Variants in UBE2E2 observed in about 807,000 individuals in gnomAD.
The protein encoded by UBE2E2 is ubiquitin-conjugating enzyme E2 E2.
A neutral mutation model predicts 24.7 loss-of-function variants in UBE2E2; 6 were observed. The ratio of observed to expected loss-of-function variants is 0.24; its 90% confidence interval spans 0.13 to 0.48. The LOEUF is 0.48. Ranked by LOEUF, UBE2E2 falls within the 20% of genes least tolerant of loss-of-function variation. UBE2E2 has a pLI of 0.99. For synonymous variants in UBE2E2, 104 were observed against 83.6 expected (o/e 1.24, Z -1.33); for missense variants, 169 against 245.0 (o/e 0.69, Z 2.07).
intron 3 of UBE2E2, among the ~76,000 whole-genome samples, chr3:23,488,638 G>C (rs139698213): frequency 3.9e-5 from 6 of 152,272 alleles, no homozygotes; most frequent in Non-Finnish European, 8.8e-5. Flanking sequence ...TAACATTTTT[G>C]AGAATTGAAA....
At chr3:23,354,039 A>G (rs975575187) in intron 3 of UBE2E2, among the ~76,000 whole-genome samples, 4 of 152,210 alleles carry the variant, frequency 2.6e-5, no homozygotes, top group African/African-American at 9.7e-5. Context: ...CAAAACAGAG[A>G]TATAGATCAG....
At chr3:23,494,935 C>G (rs1699572089) in intron 3 of UBE2E2, among the ~76,000 whole-genome samples, 1 of 151,908 alleles carries the variant, frequency 6.6e-6, no homozygotes, top group Admixed American at 6.6e-5. Flanking sequence ...CCACACCTGG[C>G]AAATTTTTGT....
chr3:23,444,909 G>A lies in UBE2E2; in HGVS notation c.228-54699G>A, dbSNP rs1698392543. On this transcript the variant is annotated intron_variant, in intron 3 of 5. Coordinates refer to ENST00000396703, the MANE Select transcript of UBE2E2 (RefSeq NM_152653.4). ...GCCCTGGAATGGTGGTGGTAGCAGA[G>A]GTATTGGGAGCTGGAACTAAATCCA... 2.0e-5 allele frequency among the ~76,000 whole-genome samples: 3 copies of A among 152,228 alleles called. No individual in the cohort carries two copies. The South Asian group carries it at 6.2e-4, about 32-fold the overall frequency.
intron 3 of UBE2E2, among the ~76,000 whole-genome samples, chr3:23,438,171 G>A (rs920932361): frequency 2.6e-5 from 4 of 152,176 alleles, no homozygotes; most frequent in African/African-American, 9.7e-5. Context: ...ACTTCAGTGA[G>A]TAAAGCAAGA....
chr3:23,513,562 G>C (rs1327969298), intron 4 of UBE2E2, among the ~76,000 whole-genome samples: 5 of 151,892 alleles, frequency 3.3e-5, no homozygotes, highest in Admixed American at 3.3e-4. Context: ...TATATCCGTG[G>C]GATAAATTCC....
At chr3:23,372,033 G>A (rs911029999) in intron 3 of UBE2E2, among the ~76,000 whole-genome samples, 75 of 151,972 alleles carry the variant, frequency 4.9e-4, no homozygotes, top group African/African-American at 1.6e-3. Context: ...CAGGAGAATC[G>A]CTTGAACCCT....
At chr3:23,293,910 G>GT (rs1251425184) in intron 3 of UBE2E2, among the ~76,000 whole-genome samples, 7 of 152,188 alleles carry the variant, frequency 4.6e-5, no homozygotes, top group Non-Finnish European at 7.3e-5. Context: ...AAGCCCAGGA[G>GT]TTTAAGTCCA....
intron 3 of UBE2E2, among the ~76,000 whole-genome samples, chr3:23,488,030 C>T (rs1005384842): frequency 8.6e-5 from 13 of 151,316 alleles, no homozygotes; most frequent in African/African-American, 3.2e-4. Flanking sequence ...CACAACCAAC[C>T]TTTTTAGGAA....
intron 3 of UBE2E2, among the ~76,000 whole-genome samples, chr3:23,383,820 T>C (rs1216506538): frequency 2.0e-5 from 3 of 151,974 alleles, no homozygotes. Flanking sequence ...TTTGTTATTG[T>C]ACCAATATGA....
At chr3:23,282,264 T>C (rs1482244326) in intron 3 of UBE2E2, among the ~76,000 whole-genome samples, 1 of 152,234 alleles carries the variant, frequency 6.6e-6, no homozygotes, top group Admixed American at 6.5e-5. Flanking sequence ...TTCATCCAGG[T>C]CCTTCTGTAT....
chr3:23,389,636 A>C (rs1307252205), intron 3 of UBE2E2: 1 of 266,006 alleles, frequency 3.8e-6, no homozygotes, highest in Non-Finnish European at 7.8e-6. Context: ...CTTTTGTCTT[A>C]TTTTGCCCTT....
At chr3:23,534,107 G>A in intron 5 of UBE2E2, 1 of 802,106 alleles carries the variant, frequency 1.2e-6, no homozygotes, top group Non-Finnish European at 1.5e-6. Context: ...AACCTCATTT[G>A]GAGGTAATGT....
chr3:23,261,793 T>C (rs1257364432), intron 3 of UBE2E2, among the ~76,000 whole-genome samples: 1 of 152,172 alleles, frequency 6.6e-6, no homozygotes, highest in Non-Finnish European at 1.5e-5. Context: ...AATGGCAGGA[T>C]TTCCTTCCTT....
At chr3:23,400,188 T>C (rs1456841864) in intron 3 of UBE2E2, among the ~76,000 whole-genome samples, 3 of 152,096 alleles carry the variant, frequency 2.0e-5, no homozygotes, top group African/African-American at 7.2e-5. Flanking sequence ...ATAAAAAGGA[T>C]TGTCAAAATA....
chr3:23,423,295 C>G (rs938676783), intron 3 of UBE2E2, among the ~76,000 whole-genome samples: 1 of 152,170 alleles, frequency 6.6e-6, no homozygotes, highest in African/African-American at 2.4e-5. Flanking sequence ...AGATCTAATA[C>G]ATTAGCAAAG....
At chr3:23,415,008 C>A (rs1183120431) in intron 3 of UBE2E2, among the ~76,000 whole-genome samples, 1 of 152,200 alleles carries the variant, frequency 6.6e-6, no homozygotes, top group African/African-American at 2.4e-5. Flanking sequence ...TGAAGACTTT[C>A]ATGATTTTGT....
chr3:23,515,064 C>T (rs1311042186), intron 4 of UBE2E2, among the ~76,000 whole-genome samples: 1 of 151,872 alleles, frequency 6.6e-6, no homozygotes, highest in Non-Finnish European at 1.5e-5. Context: ...AAAGAACTGA[C>T]CTTCATGTTT....
At chr3:23,568,118 A>G (rs1227820051) in intron 5 of UBE2E2, among the ~76,000 whole-genome samples, 4 of 152,220 alleles carry the variant, frequency 2.6e-5, no homozygotes, top group African/African-American at 9.6e-5. Flanking sequence ...AAAGGCAGGC[A>G]GAATGGTCTA....
chr3:23,478,710 C>T (rs1437923671), intron 3 of UBE2E2, among the ~76,000 whole-genome samples: 1 of 151,930 alleles, frequency 6.6e-6, no homozygotes, highest in Non-Finnish European at 1.5e-5. Flanking sequence ...ATCCTTTTAC[C>T]TATTATGTGC....
Sources: allele counts gnomAD v4.1 joint callset (sites outside exome capture counted in the v4.1 genomes callset), GRCh38; gene constraint gnomAD v4.1.1; transcripts MANE v1.5; gene names NCBI Gene and HGNC (gene_info 2026-07-23, HGNC 2026-07-21).